DLG2: variants seen among roughly 807,000 people sequenced by gnomAD.
The protein encoded by DLG2 is disks large homolog 2.
DLG2 carries 45 observed loss-of-function variants against 132.5 expected under a neutral mutation model. The observed-to-expected ratio is 0.34, with a 90% CI of 0.27 to 0.44. DLG2 has a LOEUF of 0.44. DLG2 is among the 20% of genes least tolerant of loss of function. The probability of loss-of-function intolerance (pLI) is 1.00; values close to 1 mark genes in which losing one functional copy is unlikely to be tolerated. For synonymous variants in DLG2, 424 were observed against 419.6 expected (o/e 1.01, Z -0.13); for missense variants, 1,045 against 1,196.9 (o/e 0.87, Z 1.87).
intron 3 of DLG2, among the ~76,000 whole-genome samples, chr11:85,410,422 AG>A (rs1338582796): frequency 1.3e-5 from 2 of 151,892 alleles, no homozygotes; most frequent in African/African-American, 4.8e-5. Flanking sequence ...AAGTAGAAAA[AG>A]GTGCCCCTTT....
intron 6 of DLG2, among the ~76,000 whole-genome samples, chr11:84,721,415 T>G (rs188466374): frequency 6.0e-4 from 92 of 152,240 alleles, no homozygotes; most frequent in Non-Finnish European, 1.1e-3. Context: ...CCTTGATGTC[T>G]TTGAGACTCC....
intron 7 of DLG2, among the ~76,000 whole-genome samples, chr11:84,315,325 C>A (rs923079728): frequency 6.6e-6 from 1 of 152,044 alleles, no homozygotes; most frequent in Non-Finnish European, 1.5e-5. Flanking sequence ...TGGGAAATTA[C>A]CATTTACGAA....
chr11:84,547,715 C>A (rs77637792), intron 6 of DLG2, among the ~76,000 whole-genome samples: 1,539 of 152,218 alleles, frequency 0.01, 21 homozygotes, highest in African/African-American at 0.034. Context: ...CTGAGAATCC[C>A]TCTTTTTTCT....
At chr11:84,453,984 A>C (rs551741846) in intron 7 of DLG2, among the ~76,000 whole-genome samples, 1 of 151,626 alleles carries the variant, frequency 6.6e-6, no homozygotes, top group East Asian at 1.9e-4. Context: ...GCAAAATTCT[A>C]TTCTGCCACA....
intron 11 of DLG2, among the ~76,000 whole-genome samples, chr11:84,015,240 A>G (rs1242392091): frequency 6.6e-6 from 1 of 152,194 alleles, no homozygotes; most frequent in African/African-American, 2.4e-5. Context: ...ATCACTAAAT[A>G]TAAAGAAGCA....
chr11:83,840,074 T>G (rs2057217673), intron 16 of DLG2, among the ~76,000 whole-genome samples: 1 of 152,210 alleles, frequency 6.6e-6, no homozygotes, highest in Non-Finnish European at 1.5e-5. Flanking sequence ...TTCCCTGAGT[T>G]TGACATGTTG....
In DLG2 at chr11:84,777,795, T is replaced by G. The variant is rs138741757; in HGVS notation, c.358-243064A>C. Among the ~76,000 whole-genome samples the G allele has an allele frequency of 3.6e-4, 55 of 152,250 alleles. No individual in the cohort carries two copies. In the East Asian group the frequency reaches 6.8e-3, roughly 19 times the overall value. On this transcript the variant is annotated intron_variant, in intron 6 of 27. Transcript: ENST00000376104. ...TTCATGTCCTTTGCCCACTTTTTAA[T>G]GGGATTATTTGTTGATTTTGTTCAG...
At chr11:85,062,995 T>C (rs2064341134) in intron 6 of DLG2, among the ~76,000 whole-genome samples, 1 of 151,794 alleles carries the variant, frequency 6.6e-6, no homozygotes, top group South Asian at 2.1e-4. Flanking sequence ...ATGTGCATAT[T>C]GTCAAAATTC....
At chr11:85,411,838 C>G (rs2152981022) in intron 3 of DLG2, among the ~76,000 whole-genome samples, 1 of 151,860 alleles carries the variant, frequency 6.6e-6, no homozygotes, top group East Asian at 1.9e-4. Context: ...GAAATATAAC[C>G]AATTTGCTTA....
At chr11:84,782,345 G>A (rs1265148546) in intron 6 of DLG2, among the ~76,000 whole-genome samples, 7 of 151,902 alleles carry the variant, frequency 4.6e-5, no homozygotes, top group Non-Finnish European at 1.0e-4. Flanking sequence ...AGATAACTTT[G>A]AGGATTTAGT....
chr11:84,905,651 CCAAT>C (rs1287413921), intron 6 of DLG2, among the ~76,000 whole-genome samples: 9 of 152,136 alleles, frequency 5.9e-5, no homozygotes, highest in East Asian at 1.9e-4. Context: ...GTGCCTCAGG[CCAAT>C]CAAACACCCT....
intron 6 of DLG2, among the ~76,000 whole-genome samples, chr11:84,655,844 C>A (rs2099687603): frequency 6.6e-6 from 1 of 151,492 alleles, no homozygotes. Flanking sequence ...TATCAGGGGG[C>A]CTTTTCATCC....
intron 6 of DLG2, among the ~76,000 whole-genome samples, chr11:84,928,846 A>C (rs564886101): frequency 6.6e-6 from 1 of 151,134 alleles, no homozygotes; most frequent in Non-Finnish European, 1.5e-5. Context: ...TATACCTGGA[A>C]GTGTATAAAA....
intron 7 of DLG2, among the ~76,000 whole-genome samples, chr11:84,413,784 C>T (rs1429360798): frequency 6.6e-6 from 1 of 152,198 alleles, no homozygotes; most frequent in Non-Finnish European, 1.5e-5. Flanking sequence ...TGAACCTTTC[C>T]TCTGCACTTA....
At chr11:83,640,352 T>TG (rs1444447195) in intron 18 of DLG2, among the ~76,000 whole-genome samples, 2 of 152,148 alleles carry the variant, frequency 1.3e-5, no homozygotes, top group Non-Finnish European at 2.9e-5. Context: ...TGTAGTCTGT[T>TG]GGGGGTCACA....
intron 6 of DLG2, among the ~76,000 whole-genome samples, chr11:84,805,570 T>A (rs1424977437): frequency 6.6e-6 from 1 of 152,112 alleles, no homozygotes; most frequent in Admixed American, 6.6e-5. Flanking sequence ...CATGATAAAT[T>A]CCTCAAGAGA....
At chr11:84,343,789 T>C (rs988399671) in intron 7 of DLG2, among the ~76,000 whole-genome samples, 1 of 152,206 alleles carries the variant, frequency 6.6e-6, no homozygotes, top group African/African-American at 2.4e-5. Context: ...ATCCACCTAA[T>C]TGAATTTATT....
At position 83,948,439 on chromosome 11, in the gene DLG2, ACC is replaced by A. The variant is rs1401615495; in HGVS notation, c.1340+14444_1340+14445del. ...GACAGGCATTAAGGACTGACTCCCC[ACC>A]CAGCACTCCATGGAAGTTGATTGCT... On this transcript the variant is annotated intron_variant, in intron 14 of 27. Coordinates refer to ENST00000376104, the MANE Select transcript of DLG2 (RefSeq NM_001142699.3). Among the ~76,000 whole-genome samples the A allele has an allele frequency of 3.3e-5, 5 of 152,200 alleles. No homozygotes were observed. The East Asian group carries it at 7.7e-4, about 24-fold the overall frequency.
intron 4 of DLG2, among the ~76,000 whole-genome samples, chr11:85,187,563 G>A (rs912966911): frequency 1.3e-5 from 2 of 152,112 alleles, no homozygotes; most frequent in Admixed American, 6.6e-5. Context: ...AGGACTCTGG[G>A]AAATGACCAA....
Sources: allele counts gnomAD v4.1 joint callset (sites outside exome capture counted in the v4.1 genomes callset), GRCh38; gene constraint gnomAD v4.1.1; transcripts MANE v1.5; gene names NCBI Gene and HGNC (gene_info 2026-07-23, HGNC 2026-07-21).